FHOD3: variants seen among roughly 807,000 people sequenced by gnomAD.
FHOD3 encodes the protein FH1/FH2 domain-containing protein 3.
Under a neutral mutation model 173.0 loss-of-function variants are expected in FHOD3, and 90 were observed. That is an observed-to-expected ratio of 0.52 (90% CI 0.44 to 0.62). The LOEUF is 0.62. FHOD3 is among the 20% of genes least tolerant of loss of function. The pLI, the probability that FHOD3 is intolerant of heterozygous loss-of-function variation, is 0.00. For synonymous variants in FHOD3, 828 were observed against 823.0 expected (o/e 1.01, Z -0.10); for missense variants, 1,945 against 2,034.7 (o/e 0.96, Z 0.85).
At chr18:36,298,051 G>A (rs2091842325) in intron 1 of FHOD3, 51 bp downstream of exon 1, 3 of 1,402,088 alleles carry the variant, frequency 2.1e-6, no homozygotes, top group Non-Finnish European at 2.8e-6. Flanking sequence ...CCCCTGCCGC[G>A]GTGCGCGCCG....
chr18:36,641,756 G>A (rs960367739), intron 10 of FHOD3, among the ~76,000 whole-genome samples: 2 of 152,056 alleles, frequency 1.3e-5, no homozygotes, highest in Non-Finnish European at 2.9e-5. Context: ...AGGAGTTCGA[G>A]ACCAGCCTGG....
chr18:36,644,396 A>G (rs1487615204), intron 10 of FHOD3, among the ~76,000 whole-genome samples: 1 of 152,228 alleles, frequency 6.6e-6, no homozygotes, highest in African/African-American at 2.4e-5. Context: ...ATAGACTGGA[A>G]CTAAATAAAA....
chr18:36,410,754 A>T (rs1473732025), intron 3 of FHOD3, among the ~76,000 whole-genome samples: 1 of 152,196 alleles, frequency 6.6e-6, no homozygotes, highest in African/African-American at 2.4e-5. Context: ...CATGTGGCTA[A>T]TGACATTGAG....
At chr18:36,493,301 C>T (rs1365325391) in intron 3 of FHOD3, among the ~76,000 whole-genome samples, 1 of 151,036 alleles carries the variant, frequency 6.6e-6, no homozygotes, top group African/African-American at 2.4e-5. Flanking sequence ...TTCCAAAGTC[C>T]GACCAAGCAA....
chr18:36,337,737 A>G lies in FHOD3; in HGVS notation c.166-17802A>G, dbSNP rs548842454. Reference sequence around the variant, plus strand: ...AAAATTGGATTTTAAAAGTTGTGGCAGGGAGTACAGGGACCAGTCTTTAAT... The same window carrying G: ...AAAATTGGATTTTAAAAGTTGTGGCGGGGAGTACAGGGACCAGTCTTTAAT... On this transcript the variant is annotated intron_variant, in intron 1 of 28. Transcript: ENST00000590592. Among the ~76,000 whole-genome samples, 3 of 152,330 alleles carry G rather than the reference A, an allele frequency of 2.0e-5. No individual in the cohort carries two copies. The East Asian group carries it at 5.8e-4, about 29-fold the overall frequency.
intron 1 of FHOD3, among the ~76,000 whole-genome samples, chr18:36,337,188 A>AG (rs1320559459): frequency 8.5e-5 from 13 of 152,110 alleles, no homozygotes; most frequent in African/African-American, 3.1e-4. Flanking sequence ...AAAAAAAAAA[A>AG]AGTTAATTTT....
At chr18:36,388,332 C>T (rs1197817865) in intron 3 of FHOD3, among the ~76,000 whole-genome samples, 2 of 152,108 alleles carry the variant, frequency 1.3e-5, no homozygotes, top group African/African-American at 4.8e-5. Context: ...CAGACATAGA[C>T]AGAAAATGGG....
chr18:36,301,236 C>T (rs2091950778), intron 1 of FHOD3, among the ~76,000 whole-genome samples: 3 of 152,214 alleles, frequency 2.0e-5, no homozygotes, highest in Admixed American at 2.0e-4. Context: ...GACAACCTGT[C>T]AGGCCTTTCC....
Position 36,718,361 on chromosome 18 carries a change from A to AACCC in FHOD3, c.3063_3064insACCC (p.Pro1022ThrfsTer32). The AACCC allele has an allele frequency of 7.5e-7, 1 of 1,329,384 alleles. No individual in the cohort carries two copies. Among genetic ancestry groups the AACCC allele is most frequent in the Non-Finnish European group, 1.0e-6 (1 of 986,042 alleles). 82.3% of individuals were successfully genotyped at this position (1,329,384 alleles called of 1,614,324 possible). ...TGGGTCACAGGGAGGCCCCTGGGCC[A>AACCC]CCTCCCCCACCCCCACCCACCTTTC... On this transcript the variant is annotated frameshift_variant, in exon 19 of 29. Transcript: ENST00000590592. LOFTEE classifies it high-confidence loss of function.
chr18:36,425,154 A>T (rs1042391707), intron 3 of FHOD3, among the ~76,000 whole-genome samples: 1 of 152,238 alleles, frequency 6.6e-6, no homozygotes, highest in African/African-American at 2.4e-5. Context: ...CTGCATTCAC[A>T]TAACCGTTAT....
In FHOD3 at chr18:36,652,747, C is replaced by T. The variant is rs2149115952; in HGVS notation, c.1464C>T (p.Leu488=). 1.3e-6 allele frequency: 2 copies of T among 1,535,934 alleles called. No individual in the cohort carries two copies. The highest frequency in any genetic ancestry group is 8.7e-7 in the Non-Finnish European group (1 of 1,146,722). Residue 488 remains leucine, a synonymous_variant, in exon 12 of 29, where the codon CTC becomes CTT. Transcript: ENST00000590592. ...SSGSEATPSA[L]LSPPASAARP... The stretch of plus-strand genomic sequence containing the variant: ...GGTCTGAGGCCACCCCATCTGCCCT[C>T]CTGTCACCCCCTGCCTCAGCTGCTC...
At chr18:36,690,603 C>A (rs2038902747) in intron 16 of FHOD3, among the ~76,000 whole-genome samples, 2 of 152,134 alleles carry the variant, frequency 1.3e-5, no homozygotes, top group African/African-American at 4.8e-5. Context: ...CCGTAAATGC[C>A]TGTGGCATGG....
At chr18:36,406,083 G>A (rs28702758) in intron 3 of FHOD3, among the ~76,000 whole-genome samples, 1 of 102,820 alleles carries the variant, frequency 9.7e-6, no homozygotes. Flanking sequence ...CCTGTTTTTT[G>A]TTTTTGTTTT....
chr18:36,594,227 G>A (rs2029908234), intron 6 of FHOD3, among the ~76,000 whole-genome samples: 1 of 152,116 alleles, frequency 6.6e-6, no homozygotes, highest in Non-Finnish European at 1.5e-5. Context: ...GTGGCTCCTG[G>A]CAAATGCTGA....
chr18:36,361,361 G>A (rs968719879), intron 2 of FHOD3, among the ~76,000 whole-genome samples: 2 of 152,096 alleles, frequency 1.3e-5, no homozygotes, highest in African/African-American at 4.8e-5. Context: ...CAGAAGGTTT[G>A]GAGTGAGGTT....
At chr18:36,378,846 C>T (rs2047589395) in intron 3 of FHOD3, among the ~76,000 whole-genome samples, 1 of 152,000 alleles carries the variant, frequency 6.6e-6, no homozygotes, top group Non-Finnish European at 1.5e-5. Flanking sequence ...CCATGCCCAG[C>T]TATTTTTTTT....
intron 17 of FHOD3, among the ~76,000 whole-genome samples, chr18:36,701,500 C>T (rs1334364694): frequency 6.6e-6 from 1 of 152,032 alleles, no homozygotes. Flanking sequence ...ATCTGAGGGG[C>T]AAGAGTGGGA....
chr18:36,521,351 A>G (rs1017528638), intron 5 of FHOD3, among the ~76,000 whole-genome samples: 3 of 152,094 alleles, frequency 2.0e-5, no homozygotes, highest in African/African-American at 7.2e-5. Context: ...CCATTGCACC[A>G]GTATCTCCAT....
At position 36,681,532 on chromosome 18, in the gene FHOD3, G is replaced by T; in HGVS notation, c.1932G>T (p.Arg644Ser). Residue 644 changes from arginine (R) to serine (S), a missense_variant, in exon 15 of 29, where the codon AGG (arginine) becomes AGT (serine). Around this residue, in one of 5 missense-constraint regions of FHOD3, gnomAD observed 1,099 missense variants for 1,051.2 expected, o/e 1.05. Coordinates refer to ENST00000590592, the MANE Select transcript of FHOD3 (RefSeq NM_001281740.3). Reference protein sequence around the residue: ...RERRRQEREERLQRIEREERN... With the variant: ...RERRRQEREESLQRIEREERN... ...GGCGGCGGCAGGAGAGAGAAGAAAG[G>T]TTGCAGAGAATAGAGCGGGAAGAAA... 1.2e-6 allele frequency: 2 copies of T among 1,613,856 alleles called. No homozygotes were observed. Among genetic ancestry groups the T allele is most frequent in the South Asian group, 2.2e-5 (2 of 91,046 alleles).
Sources: gnomAD v4.1 joint callset for allele counts (sites outside exome capture counted in the v4.1 genomes callset) on GRCh38, gnomAD v4.1.1 for gene constraint, gnomAD v4.1.1 regional missense constraint, MANE v1.5 for transcripts, NCBI Gene and HGNC (gene_info 2026-07-23, HGNC 2026-07-21) for gene names.